DCDC1: variants seen among roughly 807,000 people sequenced by gnomAD.
DCDC1 encodes doublecortin domain containing 1.
A neutral mutation model predicts 178.3 loss-of-function variants in DCDC1; 200 were observed. The ratio of observed to expected loss-of-function variants is 1.12; its 90% CI spans 1.00 to 1.26. DCDC1 has a LOEUF of 1.26. Among genes scored for constraint, DCDC1 ranks in the 50% most tolerant of loss-of-function variants. The pLI, the probability that DCDC1 is intolerant of heterozygous loss-of-function variation, is 0.00. For synonymous variants in DCDC1, 690 were observed against 604.8 expected (o/e 1.14, Z -2.07); for missense variants, 1,983 against 1,749.2 (o/e 1.13, Z -2.38).
At chr11:31,345,135 T>A (rs941667024) in intron 1 of DCDC1, among the ~76,000 whole-genome samples, 1 of 152,166 alleles carries the variant, frequency 6.6e-6, no homozygotes, top group Non-Finnish European at 1.5e-5. Context: ...TATAACCTTA[T>A]GGTCAAAGGC....
chr11:30,919,056 T>G (rs987855297), intron 25 of DCDC1, among the ~76,000 whole-genome samples: 1 of 152,122 alleles, frequency 6.6e-6, no homozygotes, highest in Non-Finnish European at 1.5e-5. Context: ...TAAGAAAGTC[T>G]GGGAAAAATC....
intron 9 of DCDC1, among the ~76,000 whole-genome samples, chr11:31,168,082 G>C (rs1966854260): frequency 6.6e-6 from 1 of 152,186 alleles, no homozygotes; most frequent in Non-Finnish European, 1.5e-5. Context: ...TGAGTTTGAA[G>C]TCAAGTCCCA....
chr11:31,340,772 C>T (rs527497027), intron 1 of DCDC1, among the ~76,000 whole-genome samples: 1 of 152,240 alleles, frequency 6.6e-6, no homozygotes, highest in Admixed American at 6.5e-5. Context: ...AGCCTGCCAG[C>T]CTACCCATCA....
chr11:31,341,812 TACACACACACACAC>T (rs34730979), intron 1 of DCDC1, among the ~76,000 whole-genome samples: 2 of 144,470 alleles, frequency 1.4e-5, no homozygotes, highest in African/African-American at 2.6e-5. Flanking sequence ...TGCATGACTA[TACACACACACACAC>T]ACACACACAC....
chr11:30,944,959 C>CTTT (rs34334567), intron 21 of DCDC1, among the ~76,000 whole-genome samples: 719 of 65,508 alleles, frequency 0.011, 135 homozygotes, highest in African/African-American at 0.043. Context: ...ACAAAAATGT[C>CTTT]TTTTTTTTTT....
At chr11:31,339,255 T>C (rs1950425189) in intron 1 of DCDC1, among the ~76,000 whole-genome samples, 1 of 152,144 alleles carries the variant, frequency 6.6e-6, no homozygotes, top group African/African-American at 2.4e-5. Flanking sequence ...CCCAATGTGA[T>C]GTTATTATGA....
chr11:31,367,573 C>A (rs1952025816), intron 1 of DCDC1, among the ~76,000 whole-genome samples: 1 of 152,190 alleles, frequency 6.6e-6, no homozygotes, highest in African/African-American at 2.4e-5. Flanking sequence ...GGACTTTATT[C>A]TCTAGACCTG....
At chr11:30,894,185 T>C in intron 35 of DCDC1, 63 bp downstream of exon 35, 2 of 1,561,728 alleles carry the variant, frequency 1.3e-6, no homozygotes, top group Non-Finnish European at 1.7e-6. Context: ...AATTCAATAT[T>C]GTACTTTTAA....
chr11:31,087,748 A>G (rs563329462), intron 17 of DCDC1, among the ~76,000 whole-genome samples: 1 of 152,274 alleles, frequency 6.6e-6, no homozygotes, highest in African/African-American at 2.4e-5. Context: ...GCCATTATAT[A>G]GACTATTTTG....
intron 20 of DCDC1, among the ~76,000 whole-genome samples, chr11:30,985,013 G>A (rs1950571584): frequency 6.6e-6 from 1 of 152,136 alleles, no homozygotes; most frequent in Non-Finnish European, 1.5e-5. Context: ...CTTTTCCACA[G>A]AGATCAGATG....
intron 17 of DCDC1, among the ~76,000 whole-genome samples, chr11:31,089,339 C>T (rs1957661050): frequency 6.6e-6 from 1 of 152,084 alleles, no homozygotes; most frequent in Admixed American, 6.6e-5. Flanking sequence ...CATAATACGC[C>T]TGTTCTCTCT....
At chr11:31,095,625 G>C (rs1283478291) in intron 15 of DCDC1, among the ~76,000 whole-genome samples, 1 of 152,170 alleles carries the variant, frequency 6.6e-6, no homozygotes, top group African/African-American at 2.4e-5. Context: ...AGACTTTAGA[G>C]ATAGTTGTGG....
intron 20 of DCDC1, among the ~76,000 whole-genome samples, chr11:31,046,989 G>C (rs1209544572): frequency 6.6e-6 from 1 of 151,702 alleles, no homozygotes; most frequent in East Asian, 1.9e-4. Context: ...CCTTCTTCTG[G>C]TTCCAGACCC....
In DCDC1 at chr11:31,259,526, T is replaced by A. The variant is rs562409286; in HGVS notation, c.1054+5981A>T. Among the ~76,000 whole-genome samples, 355 of 152,292 alleles carry A rather than the reference T, an allele frequency of 2.3e-3. 1 individual carries two copies. The highest frequency in any genetic ancestry group is 6.7e-3 in the African/African-American group (279 of 41,554). On this transcript the variant is annotated intron_variant, in intron 8 of 38. Coordinates refer to ENST00000684477, the MANE Select transcript of DCDC1 (RefSeq NM_001387274.1). ...AAGGTAAATACTATAATTCCTATCT[T>A]ATAGATAAGGAAACTGACTCTCAGA...
rs34004324 is a variant in DCDC1 at position 31,038,213 on chromosome 11, T to TTA, written c.2591+26254_2591+26255dup. On this transcript the variant is annotated intron_variant, in intron 20 of 38. Transcript: ENST00000684477. ...CACATGTACCCTAGAACTTAAAGTA[T>TTA]TATATATATATATATACACACACAC... 5.4e-3 allele frequency among the ~76,000 whole-genome samples: 817 copies of TTA among 150,398 alleles called. 9 individuals are homozygous for TTA. Among genetic ancestry groups the TTA allele is most frequent in the African/African-American group, 0.017 (715 of 40,940 alleles).
At chr11:31,007,157 G>C (rs1951891631) in intron 20 of DCDC1, among the ~76,000 whole-genome samples, 1 of 152,136 alleles carries the variant, frequency 6.6e-6, no homozygotes, top group Non-Finnish European at 1.5e-5. Flanking sequence ...AAAAATACAT[G>C]TACCGTGTGC....
At chr11:31,126,971 A>T (rs548334682) in intron 11 of DCDC1, among the ~76,000 whole-genome samples, 1 of 152,288 alleles carries the variant, frequency 6.6e-6, no homozygotes, top group East Asian at 1.9e-4. Flanking sequence ...ATTCTTAAGT[A>T]TTGATTTTAC....
intron 9 of DCDC1, among the ~76,000 whole-genome samples, chr11:31,189,019 G>C (rs1969830797): frequency 6.6e-6 from 1 of 152,076 alleles, no homozygotes; most frequent in Non-Finnish European, 1.5e-5. Context: ...GCCATCTTTG[G>C]AGCAGAGAGC....
intron 18 of DCDC1, among the ~76,000 whole-genome samples, chr11:31,077,144 A>G (rs182318): frequency 0.089 from 13,571 of 152,184 alleles, 812 homozygotes; most frequent in East Asian, 0.29. Context: ...AGATTACTCA[A>G]GTGGTTGGGA....
Sources: gnomAD v4.1 joint callset for allele counts (sites outside exome capture counted in the v4.1 genomes callset) on GRCh38, gnomAD v4.1.1 for gene constraint, MANE v1.5 for transcripts, NCBI Gene and HGNC (gene_info 2026-07-23, HGNC 2026-07-21) for gene names.